Variants in ST8SIA4 observed in about 807,000 individuals in gnomAD.
ST8SIA4 encodes the protein ST8 alpha-N-acetyl-neuraminide alpha-2,8-sialyltransferase 4.
In ST8SIA4, 15 loss-of-function variants were observed where a neutral mutation model predicts 33.9. That is an observed-to-expected ratio of 0.44 (90% CI 0.30 to 0.68). The LOEUF (loss-of-function observed/expected upper bound fraction) is 0.68. Ranked by LOEUF, ST8SIA4 falls within the 30% of genes least tolerant of loss-of-function variation. ST8SIA4 has a pLI of 0.10. For missense variants in ST8SIA4, 321 were observed against 428.0 expected, an observed-to-expected ratio of 0.75 and a Z score of 2.21; for synonymous variants, 171 against 151.2, an observed-to-expected ratio of 1.13 and a Z score of -0.96.
intron 4 of ST8SIA4, among the ~76,000 whole-genome samples, chr5:100,838,203 A>G (rs1382570609): frequency 1.3e-5 from 2 of 152,022 alleles, no homozygotes; most frequent in East Asian, 3.9e-4. Flanking sequence ...ATCATGAAGA[A>G]ATAGAGATCT....
intron 4 of ST8SIA4, among the ~76,000 whole-genome samples, chr5:100,847,072 C>T (rs1358531236): frequency 6.6e-6 from 1 of 151,976 alleles, no homozygotes; most frequent in Non-Finnish European, 1.5e-5. Flanking sequence ...GTTTAAAATA[C>T]CTAATACGCG....
intron 3 of ST8SIA4, among the ~76,000 whole-genome samples, chr5:100,880,125 T>C (rs143453574): frequency 0.012 from 1,864 of 152,242 alleles, 42 homozygotes; most frequent in African/African-American, 0.042. Flanking sequence ...CCCTTTCTTC[T>C]TTTCTTTCTT....
chr5:100,844,783 A>G (rs1751534112), intron 4 of ST8SIA4, among the ~76,000 whole-genome samples: 1 of 152,002 alleles, frequency 6.6e-6, no homozygotes, highest in Non-Finnish European at 1.5e-5. Flanking sequence ...CACTTTAAAA[A>G]TAAGTTTATA....
intron 1 of ST8SIA4, among the ~76,000 whole-genome samples, chr5:100,896,621 T>C (rs1752785843): frequency 6.6e-6 from 1 of 152,126 alleles, no homozygotes; most frequent in Admixed American, 6.5e-5. Context: ...GTGATGGATA[T>C]GCTAATTAGC....
intron 4 of ST8SIA4, among the ~76,000 whole-genome samples, chr5:100,812,729 A>T (rs1184491115): frequency 6.6e-6 from 1 of 152,164 alleles, no homozygotes; most frequent in Admixed American, 6.5e-5. Context: ...ATAGTTTTCC[A>T]GTTATGCAAT....
chr5:100,856,179 T>C lies in ST8SIA4; in HGVS notation c.721A>G (p.Asn241Asp). 4 of 1,614,130 alleles carry C rather than the reference T, an allele frequency of 2.5e-6. No homozygotes were observed. Among genetic ancestry groups the C allele is most frequent in the Non-Finnish European group, 3.4e-6 (4 of 1,179,972 alleles). ...AGTTTATTCTTAAGGATTAATGCAT[T>C]AACCCACTCCACGTGCTTCTCTCCT... The part of the protein sequence containing the change: ...KGGEKHVEWV[N>D]ALILKNKLKV... Residue 241 changes from asparagine (N) to aspartate (D), a missense_variant, in exon 4 of 5, where the codon AAT (asparagine) becomes GAT (aspartate). By Grantham distance (23) the Asn-to-Asp change is conservative. Transcript: ENST00000231461.
At chr5:100,823,132 T>C (rs1306117765) in intron 4 of ST8SIA4, among the ~76,000 whole-genome samples, 2 of 139,794 alleles carry the variant, frequency 1.4e-5, no homozygotes, top group South Asian at 2.3e-4. Flanking sequence ...CTCCGTCTCA[T>C]AAACAAACAA....
chr5:100,895,762 C>A lies in ST8SIA4; in HGVS notation c.137G>T (p.Arg46Leu). Residue 46 changes from arginine to leucine, a missense_variant, in exon 2 of 5, where the codon CGG becomes CTG. By Grantham distance (102) the Arg-to-Leu change is moderately radical (BLOSUM62 -2). Transcript: ENST00000231461. The part of the protein sequence containing the change: ...LIGDGELSLS[R>L]SLVNSSDKII... ...TTTATCAGAGCTATTGACAAGTGAC[C>A]GACTCAAAGACAATTCACCATCTCT... The A allele has an allele frequency of 6.2e-7, 1 of 1,612,386 alleles. No individual in the cohort carries two copies. The highest frequency in any genetic ancestry group is 8.5e-7 in the Non-Finnish European group (1 of 1,178,962).
At chr5:100,894,071 C>T (rs1317922659) in intron 2 of ST8SIA4, among the ~76,000 whole-genome samples, 1 of 151,948 alleles carries the variant, frequency 6.6e-6, no homozygotes, top group Non-Finnish European at 1.5e-5. Context: ...TTTCTAAATT[C>T]AAATATAAGG....
At chr5:100,887,957 G>A (rs558544303) in intron 2 of ST8SIA4, among the ~76,000 whole-genome samples, 1 of 152,050 alleles carries the variant, frequency 6.6e-6, no homozygotes, top group East Asian at 1.9e-4. Flanking sequence ...ATCAGCAAGA[G>A]ATACCACTAT....
intron 4 of ST8SIA4, among the ~76,000 whole-genome samples, chr5:100,846,688 C>T (rs1373389869): frequency 6.6e-6 from 1 of 151,808 alleles, no homozygotes; most frequent in Non-Finnish European, 1.5e-5. Context: ...GAAGGAAAGC[C>T]CAAATTTGCC....
At chr5:100,880,376 A>C (rs1459344789) in intron 3 of ST8SIA4, among the ~76,000 whole-genome samples, 1 of 152,164 alleles carries the variant, frequency 6.6e-6, no homozygotes, top group Non-Finnish European at 1.5e-5. Flanking sequence ...CTGATATTAC[A>C]GTCAGAGAAG....
At chr5:100,876,177 G>A (rs546400340) in intron 3 of ST8SIA4, among the ~76,000 whole-genome samples, 3 of 152,126 alleles carry the variant, frequency 2.0e-5, no homozygotes, top group East Asian at 1.9e-4. Flanking sequence ...ATGAGAGATC[G>A]AATTATATAT....
intron 4 of ST8SIA4, among the ~76,000 whole-genome samples, chr5:100,838,040 T>C (rs1354245530): frequency 2.0e-5 from 3 of 151,964 alleles, no homozygotes; most frequent in African/African-American, 7.2e-5. Flanking sequence ...GTAAAACAAA[T>C]GGTTAGAGAG....
At chr5:100,900,500 C>G (rs2112488467) in intron 1 of ST8SIA4, 1 of 456,222 alleles carries the variant, frequency 2.2e-6, no homozygotes, top group East Asian at 7.0e-5. Context: ...GAGCTCGGGT[C>G]ACAAGCTTTT....
At chr5:100,866,578 TCA>T (rs141002831) in intron 3 of ST8SIA4, among the ~76,000 whole-genome samples, 41,918 of 146,108 alleles carry the variant, frequency 0.29, 6,118 homozygotes, top group Non-Finnish European at 0.34. Context: ...CTTCTAAATT[TCA>T]CACACACACA....
chr5:100,849,614 C>A (rs200883337), intron 4 of ST8SIA4, among the ~76,000 whole-genome samples: 2 of 126,820 alleles, frequency 1.6e-5, no homozygotes, highest in Middle Eastern at 4.0e-3. Context: ...AACCCCATCC[C>A]TTCCAAAAAT....
intron 4 of ST8SIA4, among the ~76,000 whole-genome samples, chr5:100,822,897 C>A (rs1013184923): frequency 1.9e-4 from 29 of 152,026 alleles, no homozygotes; most frequent in African/African-American, 5.3e-4. Context: ...TTTGGGAGAC[C>A]GAGGCGGGCG....
chr5:100,893,404 T>C (rs1752714514), intron 2 of ST8SIA4, among the ~76,000 whole-genome samples: 1 of 152,158 alleles, frequency 6.6e-6, no homozygotes, highest in South Asian at 2.1e-4. Context: ...TCAACATTTG[T>C]TCATTGTTTT....
Sources: allele counts gnomAD v4.1 joint callset (sites outside exome capture counted in the v4.1 genomes callset), GRCh38; gene constraint gnomAD v4.1.1; transcripts MANE v1.5; gene names NCBI Gene and HGNC (gene_info 2026-07-23, HGNC 2026-07-21).